Variants in NELL2 observed in about 807,000 individuals in gnomAD.
NELL2 encodes neural EGFL like 2, also known as protein kinase C-binding protein NELL2.
NELL2 carries 41 observed loss-of-function variants against 109.6 expected under a neutral mutation model. The ratio of observed to expected loss-of-function variants is 0.37; its 90% CI spans 0.29 to 0.49. NELL2 has a LOEUF of 0.49. Ranked by LOEUF, NELL2 falls within the 20% of genes least tolerant of loss-of-function variation. The probability of loss-of-function intolerance (pLI) is 0.98; values close to 1 mark genes in which losing one functional copy is unlikely to be tolerated. For synonymous variants in NELL2, 355 were observed against 344.7 expected (o/e 1.03, Z -0.33); for missense variants, 900 against 1,008.3 (o/e 0.89, Z 1.45).
At chr12:44,880,140 C>G (rs552723535), upstream of NELL2, among the ~76,000 whole-genome samples, 860 of 147,494 alleles carry the variant, frequency 5.8e-3, 12 homozygotes, top group African/African-American at 0.017. Context: ...CACACACACA[C>G]AGAGAGAGAG....
chr12:44,894,136 T>C (rs1221028227), intron 1 of NELL2, among the ~76,000 whole-genome samples: 2 of 152,302 alleles, frequency 1.3e-5, no homozygotes, highest in East Asian at 3.9e-4. Context: ...AGTTTAGTCA[T>C]CCATAATCAT....
In NELL2 at chr12:44,742,677, C is replaced by T. The variant is rs189294022; in HGVS notation, c.995-27936G>A. On this transcript the variant is annotated intron_variant, in intron 9 of 19. Transcript: ENST00000429094. ...AATGCAGAAGCCTCAGTAGCCGATG[C>T]GATCAACTGGAAGAAAGGGTATCAG... Among the ~76,000 whole-genome samples the T allele has an allele frequency of 3.8e-3, 578 of 152,078 alleles. 6 individuals carry two copies. Among genetic ancestry groups the T allele is most frequent in the African/African-American group, 0.013 (540 of 41,460 alleles).
intron 11 of NELL2, among the ~76,000 whole-genome samples, chr12:44,706,817 G>A (rs1937908365): frequency 6.6e-6 from 1 of 152,022 alleles, no homozygotes; most frequent in African/African-American, 2.4e-5. Flanking sequence ...CCTTCTTTAG[G>A]TTTTAACTTC....
chr12:44,509,422 G>A (rs922096262), intron 19 of NELL2, among the ~76,000 whole-genome samples: 1 of 152,162 alleles, frequency 6.6e-6, no homozygotes, highest in Non-Finnish European at 1.5e-5. Flanking sequence ...CTAAATGTTT[G>A]CATCCTCTTA....
chr12:44,787,811 A>T (rs947211423), intron 3 of NELL2, among the ~76,000 whole-genome samples: 1 of 152,182 alleles, frequency 6.6e-6, no homozygotes, highest in Non-Finnish European at 1.5e-5. Flanking sequence ...AATTATCTCA[A>T]CATGGATCAC....
chr12:44,556,852 A>T (rs185932637), intron 15 of NELL2, among the ~76,000 whole-genome samples: 2 of 152,326 alleles, frequency 1.3e-5, no homozygotes, highest in East Asian at 3.9e-4. Flanking sequence ...TGGGATGACG[A>T]CAATGATGGA....
intron 11 of NELL2, among the ~76,000 whole-genome samples, chr12:44,709,346 A>G (rs1938064141): frequency 1.3e-5 from 2 of 152,160 alleles, no homozygotes; most frequent in Non-Finnish European, 2.9e-5. Context: ...TGGAGAGACC[A>G]TAGGAAGAAG....
chr12:44,715,021 C>T (rs1014107027), intron 9 of NELL2, among the ~76,000 whole-genome samples: 2 of 151,764 alleles, frequency 1.3e-5, no homozygotes, highest in Admixed American at 6.6e-5. Context: ...GACTTACAGC[C>T]AATTACTTGC....
intron 16 of NELL2, among the ~76,000 whole-genome samples, chr12:44,527,248 C>A (rs1941826719): frequency 6.6e-6 from 1 of 152,050 alleles, no homozygotes. Context: ...AAAAACTTCA[C>A]CAAACTTAAA....
chr12:44,828,907 A>G (rs1943800012), intron 2 of NELL2, among the ~76,000 whole-genome samples: 1 of 152,188 alleles, frequency 6.6e-6, no homozygotes, highest in African/African-American at 2.4e-5. Context: ...GACAGTAGTA[A>G]TGATCAACCA....
chr12:44,732,947 A>T (rs1396193035), intron 9 of NELL2, among the ~76,000 whole-genome samples: 1 of 152,060 alleles, frequency 6.6e-6, no homozygotes, highest in Non-Finnish European at 1.5e-5. Context: ...ATATGAATAG[A>T]TCCTTAACAT....
chr12:44,712,719 A>G (rs1325167177), intron 10 of NELL2, among the ~76,000 whole-genome samples: 1 of 152,022 alleles, frequency 6.6e-6, no homozygotes, highest in Non-Finnish European at 1.5e-5. Flanking sequence ...ATCAGTAGTC[A>G]CTAGGTACAT....
At chr12:44,843,859 G>T (rs1474399123) in intron 2 of NELL2, among the ~76,000 whole-genome samples, 1 of 151,914 alleles carries the variant, frequency 6.6e-6, no homozygotes, top group African/African-American at 2.4e-5. Context: ...CTGGCTCTAT[G>T]AAAAACACAA....
intron 2 of NELL2, among the ~76,000 whole-genome samples, chr12:44,861,666 G>A (rs899152694): frequency 2.0e-5 from 3 of 152,082 alleles, no homozygotes; most frequent in South Asian, 4.1e-4. Flanking sequence ...TGGGTCTAAG[G>A]ATGCCCATTC....
At chr12:44,766,010 C>G (rs2136561508) in intron 9 of NELL2, among the ~76,000 whole-genome samples, 1 of 151,566 alleles carries the variant, frequency 6.6e-6, no homozygotes, top group African/African-American at 2.4e-5. Flanking sequence ...ATCCCAGCTA[C>G]AGGAGGTGGA....
chr12:44,647,743 G>GA (rs11464566), intron 13 of NELL2, among the ~76,000 whole-genome samples: 76,671 of 151,692 alleles, frequency 0.51, 20,389 homozygotes, highest in East Asian at 0.73. Flanking sequence ...AATAAGTGAA[G>GA]AAAAAATAAA....
chr12:44,704,852 G>T (rs761868149), intron 11 of NELL2, among the ~76,000 whole-genome samples: 2 of 151,450 alleles, frequency 1.3e-5, no homozygotes, highest in African/African-American at 4.8e-5. Context: ...AACCCCGTCT[G>T]TACTAAAAAT....
intron 1 of NELL2, among the ~76,000 whole-genome samples, chr12:44,892,365 CATA>C (rs564121976): frequency 1.1e-4 from 16 of 152,264 alleles, no homozygotes; most frequent in African/African-American, 3.6e-4. Context: ...TCATGATTAT[CATA>C]ATAATATCTA....
intron 1 of NELL2, among the ~76,000 whole-genome samples, chr12:44,882,138 T>C (rs1458463337): frequency 6.6e-6 from 1 of 151,876 alleles, no homozygotes; most frequent in Non-Finnish European, 1.5e-5. Context: ...AGAAATTTCT[T>C]CAGGCAGAAG....
Sources: gnomAD v4.1 joint callset for allele counts (sites outside exome capture counted in the v4.1 genomes callset) on GRCh38, gnomAD v4.1.1 for gene constraint, MANE v1.5 for transcripts, NCBI Gene and HGNC (gene_info 2026-07-23, HGNC 2026-07-21) for gene names.